Variants in ERAP1 observed in about 807,000 individuals in gnomAD.
The protein encoded by ERAP1 is adipocyte-derived leucine aminopeptidase.
ERAP1 carries 86 observed loss-of-function variants against 103.7 expected under a neutral mutation model. The ratio of observed to expected loss-of-function variants is 0.83; its 90% CI spans 0.70 to 0.99. The LOEUF is 0.99. Among genes scored for constraint, ERAP1 ranks in the 50% least tolerant of loss-of-function variants. The probability of loss-of-function intolerance (pLI) is 0.00; values close to 1 mark genes in which losing one functional copy is unlikely to be tolerated. For missense variants in ERAP1, 1,009 were observed against 1,128.4 expected (o/e 0.89, Z 1.52); for synonymous variants, 398 against 402.4 (o/e 0.99, Z 0.13).
Position 96,775,655 on chromosome 5 carries a change from T to A in ERAP1, c.*741A>T. 1 of 287,558 alleles carries A rather than the reference T, an allele frequency of 3.5e-6. No homozygotes were observed. Among genetic ancestry groups the A allele is most frequent in the Non-Finnish European group, 5.2e-6 (1 of 192,184 alleles). 17.8% of individuals were successfully genotyped at this position (287,558 alleles called of 1,614,324 possible). A position where few individuals can be genotyped will look rare whatever the true frequency, so the allele number is the denominator to read the frequency against. ...AAAGCCAGACTCCCACTGAGGCCAC[T>A]AATCCTGAAGGGATGAGGAGGGAGC... On this transcript the variant is annotated 3_prime_UTR_variant, in exon 19 of 19. Transcript: ENST00000443439.
chr5:96,786,551 T>A lies in ERAP1; in HGVS notation c.1680-2A>T. On this transcript the variant is annotated splice_acceptor_variant, in intron 11 of 18. Transcript: ENST00000443439. LOFTEE classifies it high-confidence loss of function. ...GTCAATGGAACATGCCACAGGTACC[T>A]AAAATAAAGGAGAGGTGGATTGTTC... is the stretch of plus-strand genomic sequence containing the variant. The A allele has an allele frequency of 6.3e-7, 1 of 1,590,944 alleles. No homozygotes were observed. Among genetic ancestry groups the A allele is most frequent in the Non-Finnish European group, 8.6e-7 (1 of 1,158,800 alleles).
chr5:96,895,952 G>A, the ERAP1 span, among the ~76,000 whole-genome samples: 1 of 152,176 alleles, frequency 6.6e-6, no homozygotes, highest in Non-Finnish European at 1.5e-5. Flanking sequence ...TCTTGTTACT[G>A]TGTATGTACT....
chr5:96,929,708 T>C, the ERAP1 span, among the ~76,000 whole-genome samples: 26 of 152,330 alleles, frequency 1.7e-4, no homozygotes, highest in South Asian at 8.3e-4. Context: ...TGGCCATTCA[T>C]ATTTAGCTCA....
the ERAP1 span, among the ~76,000 whole-genome samples, chr5:96,883,370 A>G: frequency 6.6e-6 from 1 of 152,204 alleles, no homozygotes; most frequent in South Asian, 2.1e-4. Context: ...TCACTCATGT[A>G]CACAATTACT....
At chr5:96,810,250 G>A (rs576853185), upstream of ERAP1, among the ~76,000 whole-genome samples, 16 of 152,324 alleles carry the variant, frequency 1.1e-4, no homozygotes, top group Middle Eastern at 3.4e-3. Flanking sequence ...ACAGACCTTG[G>A]AGTAAGGACT....
chr5:96,817,154 G>T, the ERAP1 span, among the ~76,000 whole-genome samples: 1 of 152,200 alleles, frequency 6.6e-6, no homozygotes, highest in East Asian at 1.9e-4. Context: ...CGGGCAACCA[G>T]CATAAATCAA....
At chr5:96,910,003 C>A in the ERAP1 span, 2 of 378,290 alleles carry the variant, frequency 5.3e-6, no homozygotes, top group East Asian at 4.7e-5. Flanking sequence ...CAGTGGCCCA[C>A]GCCTATAATC....
chr5:96,814,284 A>G, the ERAP1 span: 1 of 456,322 alleles, frequency 2.2e-6, no homozygotes, highest in Non-Finnish European at 4.4e-6. Flanking sequence ...CCTATGGGTT[A>G]GAAGCAAGTC....
At chr5:96,901,726 T>A in the ERAP1 span, 1 of 1,580,244 alleles carries the variant, frequency 6.3e-7, no homozygotes, top group Admixed American at 1.8e-5. Flanking sequence ...CATCTCAGTT[T>A]CCTCGTTATT....
Position 96,788,588 on chromosome 5 carries a change from T to C in ERAP1, c.1622A>G (p.Asn541Ser). The C allele has an allele frequency of 6.2e-7, 1 of 1,614,154 alleles. No homozygotes were observed. The highest frequency in any genetic ancestry group is 1.1e-5 in the South Asian group (1 of 91,090). The part of the protein sequence containing the change: ...PLITITVRGR[N>S]VHMKQEHYMK... Reference sequence around the variant, plus strand: ...GTAGTGCTCTTGCTTCATGTGTACATTCCTCCCCCTCACTGTGATGGTTAT... The same window carrying C: ...GTAGTGCTCTTGCTTCATGTGTACACTCCTCCCCCTCACTGTGATGGTTAT... Residue 541 changes from asparagine to serine, a missense_variant, in exon 11 of 19, where the codon AAT becomes AGT. By Grantham distance (46) the Asn-to-Ser change is conservative (BLOSUM62 1). Around this residue, in one of 3 missense-constraint regions of ERAP1, gnomAD observed 611 missense variants for 651.7 expected, o/e 0.94. Transcript: ENST00000443439.
chr5:96,792,154 C>T lies in ERAP1; in HGVS notation c.1227G>A (p.Glu409=). 1 of 1,613,850 alleles carries T rather than the reference C, an allele frequency of 6.2e-7. No individual in the cohort carries two copies. Among genetic ancestry groups the T allele is most frequent in the Non-Finnish European group, 8.5e-7 (1 of 1,179,720 alleles). ...YFFGKCFDAM[E]VDALNSSHPV... ...GGTGTGAGGAATTTAAAGCATCTAC[C>T]TCCATTGCGTCAAAACATTTGCCAA... The change falls in exon 8 of 19, where the codon GAG becomes GAA. Residue 409 remains glutamate (E), a synonymous_variant. Transcript: ENST00000443439.
At chr5:96,884,048 A>ATCTG in the ERAP1 span, 2 of 537,204 alleles carry the variant, frequency 3.7e-6, no homozygotes, top group Non-Finnish European at 6.5e-6. Context: ...CTATCTATCT[A>ATCTG]TCTATCTATC....
chr5:96,872,513 C>T, the ERAP1 span, among the ~76,000 whole-genome samples: 4 of 152,082 alleles, frequency 2.6e-5, no homozygotes, highest in East Asian at 3.9e-4. Flanking sequence ...ACAAGAGAAT[C>T]GCTTGAGCCC....
At chr5:96,884,072 ATC>A in the ERAP1 span, 1 of 556,178 alleles carries the variant, frequency 1.8e-6, no homozygotes, top group African/African-American at 2.1e-5. Context: ...CTATCTATCT[ATC>A]TATCTATCAT....
At chr5:96,786,130 A>G (rs1775959604) in intron 12 of ERAP1, 159 bp from the exon 13 acceptor site, 1 of 701,070 alleles carries the variant, frequency 1.4e-6, no homozygotes, top group Admixed American at 2.4e-5. Context: ...GCAACTCAAT[A>G]GACAAAAGCT....
At chr5:96,909,148 T>C in the ERAP1 span, 2 of 1,602,490 alleles carry the variant, frequency 1.2e-6, no homozygotes, top group Middle Eastern at 1.7e-4. Context: ...ATGTATTAAG[T>C]AAATACACAG....
the ERAP1 span, among the ~76,000 whole-genome samples, chr5:96,836,817 C>T: frequency 1.3e-5 from 2 of 152,216 alleles, no homozygotes; most frequent in Middle Eastern, 3.4e-3. Flanking sequence ...TTAAAAGATA[C>T]GTCATGTTAA....
At chr5:96,809,136 G>T (rs1778996373), upstream of ERAP1, among the ~76,000 whole-genome samples, 1 of 152,200 alleles carries the variant, frequency 6.6e-6, no homozygotes, top group Admixed American at 6.5e-5. Flanking sequence ...TAGCAGTGAC[G>T]ACCAGAGGAC....
the ERAP1 span, among the ~76,000 whole-genome samples, chr5:96,818,912 T>G: frequency 4.0e-5 from 6 of 150,360 alleles, no homozygotes; most frequent in South Asian, 6.3e-4. Context: ...ATTTATTTAT[T>G]TATTTATTTA....
Sources: allele counts gnomAD v4.1 joint callset (sites outside exome capture counted in the v4.1 genomes callset), GRCh38; gene constraint gnomAD v4.1.1; regional missense constraint gnomAD v4.1.1; transcripts MANE v1.5; gene names NCBI Gene and HGNC (gene_info 2026-07-23, HGNC 2026-07-21).